The following TENM3 variants were observed in gnomAD, a reference collection of about 807,000 sequenced individuals.
TENM3 encodes teneurin-3.
TENM3 carries 63 observed loss-of-function variants against 255.1 expected under a neutral mutation model. The ratio of observed to expected loss-of-function variants is 0.25; its 90% CI spans 0.20 to 0.30. The LOEUF (loss-of-function observed/expected upper bound fraction) is 0.30, where lower values mean the gene tolerates loss of function less well. TENM3 is among the 10% of genes least tolerant of loss of function. The pLI, the probability that TENM3 is intolerant of heterozygous loss-of-function variation, is 1.00. For synonymous variants in TENM3, 1,306 were observed against 1,322.3 expected (o/e 0.99, Z 0.27); for missense variants, 2,929 against 3,461.1 (o/e 0.85, Z 3.86).
chr4:182,673,339 A>C lies in TENM3; in HGVS notation c.1326+120A>C, dbSNP rs146158966. ...TTGACGACTTTTGAATCGACTTTCT[A>C]CAGTAGAAAGAGTTTTGAATGTAGA... On this transcript the variant is annotated intron_variant, in intron 7 of 27. Coordinates refer to ENST00000511685, the MANE Select transcript of TENM3 (RefSeq NM_001080477.4). 17 of 653,110 alleles carry C rather than the reference A, an allele frequency of 2.6e-5. No homozygotes were observed. The East Asian group carries it at 4.7e-4, about 18-fold the overall frequency. 40.5% of individuals were successfully genotyped at this position (653,110 alleles called of 1,614,324 possible). A position where few individuals can be genotyped will look rare whatever the true frequency, so the allele number is the denominator to read the frequency against.
the TENM3 span, among the ~76,000 whole-genome samples, chr4:182,006,798 T>A: frequency 6.6e-5 from 10 of 152,164 alleles, no homozygotes; most frequent in African/African-American, 1.7e-4. Context: ...CTTGCCTCTC[T>A]GGCTCTTTTA....
intron 22 of TENM3, among the ~76,000 whole-genome samples, chr4:182,757,055 G>A (rs1278458991): frequency 2.6e-5 from 4 of 152,062 alleles, no homozygotes; most frequent in Non-Finnish European, 5.9e-5. Context: ...GCTCACACCT[G>A]TAATCCCAGC....
chr4:182,580,109 A>G (rs1211377094), intron 3 of TENM3, among the ~76,000 whole-genome samples: 1 of 152,126 alleles, frequency 6.6e-6, no homozygotes, highest in Non-Finnish European at 1.5e-5. Flanking sequence ...TGATTTTTTT[A>G]TGTTTAAAAA....
At chr4:182,489,885 T>G (rs1381268563) in intron 3 of TENM3, among the ~76,000 whole-genome samples, 1 of 149,264 alleles carries the variant, frequency 6.7e-6, no homozygotes, top group Non-Finnish European at 1.5e-5. Flanking sequence ...CCTTCCTCTT[T>G]CTTTCCTCCT....
the TENM3 span, among the ~76,000 whole-genome samples, chr4:181,540,946 G>A: frequency 6.6e-6 from 1 of 152,136 alleles, no homozygotes; most frequent in South Asian, 2.1e-4. Flanking sequence ...CTAACGAGGG[G>A]AAGCTGAATG....
At chr4:181,777,564 C>T in the TENM3 span, among the ~76,000 whole-genome samples, 1 of 152,038 alleles carries the variant, frequency 6.6e-6, no homozygotes, top group South Asian at 2.1e-4. Context: ...CCATTTGTTC[C>T]TGCTATTGTC....
chr4:181,474,473 A>G, the TENM3 span, among the ~76,000 whole-genome samples: 1 of 152,052 alleles, frequency 6.6e-6, no homozygotes, highest in East Asian at 1.9e-4. Flanking sequence ...ACGGTGACTC[A>G]CGCCTGTAAT....
the TENM3 span, among the ~76,000 whole-genome samples, chr4:181,849,954 C>CAT: frequency 7.4e-6 from 1 of 135,736 alleles, no homozygotes; most frequent in East Asian, 2.1e-4. Flanking sequence ...CTCTCTCACA[C>CAT]ACACACACAC....
the TENM3 span, among the ~76,000 whole-genome samples, chr4:181,707,812 A>C: frequency 2.0e-5 from 3 of 152,338 alleles, no homozygotes; most frequent in African/African-American, 7.2e-5. Flanking sequence ...CGTTAAGTAC[A>C]AACAGAAAAT....
At chr4:181,721,395 G>A in the TENM3 span, among the ~76,000 whole-genome samples, 2 of 151,026 alleles carry the variant, frequency 1.3e-5, no homozygotes, top group African/African-American at 4.9e-5. Flanking sequence ...TAGAAGTGGA[G>A]TGGGTCCTGG....
intron 3 of TENM3, among the ~76,000 whole-genome samples, chr4:182,401,593 C>A (rs1006616320): frequency 6.6e-6 from 1 of 152,084 alleles, no homozygotes; most frequent in Non-Finnish European, 1.5e-5. Flanking sequence ...TCTGTTTTAT[C>A]AAAATGGCTT....
At chr4:181,623,794 A>G in the TENM3 span, among the ~76,000 whole-genome samples, 1 of 152,254 alleles carries the variant, frequency 6.6e-6, no homozygotes, top group African/African-American at 2.4e-5. Flanking sequence ...GCTCTGAGCT[A>G]TAGAAATCTT....
chr4:181,562,233 C>A, the TENM3 span, among the ~76,000 whole-genome samples: 8 of 151,058 alleles, frequency 5.3e-5, no homozygotes, highest in East Asian at 1.5e-3. Flanking sequence ...TTTTTTTTTA[C>A]GTTGTCTTCA....
chr4:181,457,294 A>G, the TENM3 span, among the ~76,000 whole-genome samples: 5 of 151,754 alleles, frequency 3.3e-5, no homozygotes, highest in South Asian at 1.0e-3. Flanking sequence ...TGATATACCA[A>G]CTCCTTCAGT....
At chr4:181,791,126 G>A in the TENM3 span, among the ~76,000 whole-genome samples, 2 of 152,206 alleles carry the variant, frequency 1.3e-5, no homozygotes, top group African/African-American at 4.8e-5. Flanking sequence ...TTAAAGCTCA[G>A]GGGCTAGATA....
the TENM3 span, among the ~76,000 whole-genome samples, chr4:181,590,630 C>T: frequency 6.6e-6 from 1 of 152,120 alleles, no homozygotes; most frequent in African/African-American, 2.4e-5. Flanking sequence ...TTAGGAGGAG[C>T]CAGTGAAGAA....
the TENM3 span, among the ~76,000 whole-genome samples, chr4:181,773,127 C>T: frequency 3.3e-5 from 5 of 152,174 alleles, no homozygotes; most frequent in African/African-American, 9.7e-5. Flanking sequence ...ATTATTGCTG[C>T]GAACCACTCA....
At chr4:181,931,640 T>G in the TENM3 span, among the ~76,000 whole-genome samples, 1 of 152,216 alleles carries the variant, frequency 6.6e-6, no homozygotes, top group Non-Finnish European at 1.5e-5. Flanking sequence ...ACCATTGACT[T>G]TCTTCACAGA....
At chr4:181,884,124 A>T in the TENM3 span, among the ~76,000 whole-genome samples, 4 of 152,162 alleles carry the variant, frequency 2.6e-5, no homozygotes, top group African/African-American at 7.2e-5. Context: ...TGATAAGTTT[A>T]TCTGGCAATT....
Sources: allele counts gnomAD v4.1 joint callset (sites outside exome capture counted in the v4.1 genomes callset), GRCh38; gene constraint gnomAD v4.1.1; transcripts MANE v1.5; gene names NCBI Gene and HGNC (gene_info 2026-07-23, HGNC 2026-07-21).